The following GATA4 variants were observed in gnomAD, a reference collection of about 807,000 sequenced individuals.
The protein encoded by GATA4 is transcription factor GATA-4.
A neutral mutation model predicts 37.9 loss-of-function variants in GATA4; 7 were observed. That is an observed-to-expected ratio of 0.18 (90% CI 0.11 to 0.35). GATA4 has a LOEUF of 0.35. Among genes scored for constraint, GATA4 ranks in the 10% least tolerant of loss-of-function variants. GATA4 has a pLI of 1.00. For missense variants in GATA4, 647 were observed against 653.0 expected, an observed-to-expected ratio of 0.99 and a Z score of 0.10; for synonymous variants, 372 against 292.6, an observed-to-expected ratio of 1.27 and a Z score of -2.77.
chr8:11,727,955 C>A (rs963531450), intron 2 of GATA4, among the ~76,000 whole-genome samples: 1 of 152,184 alleles, frequency 6.6e-6, no homozygotes, highest in African/African-American at 2.4e-5. Flanking sequence ...TAGTACTCGG[C>A]ATGTAGTAAG....
chr8:11,757,185 C>T (rs1273975980), intron 6 of GATA4, 102 bp downstream of exon 6: 7 of 1,508,250 alleles, frequency 4.6e-6, no homozygotes, highest in African/African-American at 1.4e-5. Context: ...CCAGGCCTCA[C>T]AGGTGCAAGC....
chr8:11,684,856 T>C (rs949095748), intron 1 of GATA4, among the ~76,000 whole-genome samples: 9 of 152,236 alleles, frequency 5.9e-5, no homozygotes, highest in African/African-American at 2.2e-4. Context: ...GACACACTGA[T>C]AAATATGTTT....
At chr8:11,727,459 G>C (rs531518442) in intron 2 of GATA4, among the ~76,000 whole-genome samples, 5 of 152,228 alleles carry the variant, frequency 3.3e-5, no homozygotes, top group Admixed American at 6.5e-5. Context: ...ATCTTTATGG[G>C]GACCGCCAAC....
At chr8:11,751,730 A>G (rs1414769073) in intron 4 of GATA4, among the ~76,000 whole-genome samples, 1 of 152,184 alleles carries the variant, frequency 6.6e-6, no homozygotes, top group Non-Finnish European at 1.5e-5. Flanking sequence ...TCTCACTAAA[A>G]ATCAGAGAAA....
At chr8:11,754,128 G>A (rs915432959) in intron 4 of GATA4, among the ~76,000 whole-genome samples, 2 of 152,230 alleles carry the variant, frequency 1.3e-5, no homozygotes, top group East Asian at 1.9e-4. Flanking sequence ...GTACAGAGCT[G>A]CAATAAGTAG....
chr8:11,740,739 G>GTT lies in GATA4; in HGVS notation c.617-8167_617-8166dup, dbSNP rs35512328. Among the ~76,000 whole-genome samples, 920 of 146,818 alleles carry GTT rather than the reference G, an allele frequency of 6.3e-3. 2 individuals carry two copies. The highest frequency in any genetic ancestry group is 1.0e-2 in the Non-Finnish European group (665 of 66,604). On this transcript the variant is annotated intron_variant, in intron 2 of 6. Transcript: ENST00000532059. The stretch of plus-strand genomic sequence containing the variant: ...GCCTTCTTTTCTTTGTTCCTTTTCC[G>GTT]TTTTTTTTTTTGGAGACACGGTCTC...
upstream of GATA4, among the ~76,000 whole-genome samples, chr8:11,701,181 A>G (rs564780789): frequency 2.7e-3 from 416 of 151,682 alleles, 1 homozygote; most frequent in Non-Finnish European, 4.4e-3. Flanking sequence ...CAGTACACCT[A>G]AGTAATTCTT....
intron 2 of GATA4, among the ~76,000 whole-genome samples, chr8:11,715,819 G>A (rs1800411697): frequency 6.6e-6 from 1 of 152,000 alleles, no homozygotes; most frequent in Admixed American, 6.6e-5. Flanking sequence ...TTGCATTGCT[G>A]TGTATCAGAT....
upstream of GATA4, among the ~76,000 whole-genome samples, chr8:11,703,304 C>T (rs117273263): frequency 7.8e-3 from 1,185 of 152,256 alleles, 8 homozygotes; most frequent in Non-Finnish European, 0.012. Context: ...CTCTATTAAC[C>T]TTTAGACCTG....
intron 2 of GATA4, among the ~76,000 whole-genome samples, chr8:11,733,857 C>T (rs1420864372): frequency 6.6e-6 from 1 of 152,146 alleles, no homozygotes; most frequent in African/African-American, 2.4e-5. Flanking sequence ...TTGCTTTGAT[C>T]AAGAATATGT....
chr8:11,757,030 A>T lies in GATA4; in HGVS notation c.1096A>T (p.Lys366Ter), dbSNP rs778151042. ...CAGCAGCGAGGAGATGCGTCCCATC[A>T]AGACGGAGCCTGGCCTGTCATCTCA... Reference protein sequence around the residue: ...TSSSEEMRPIKTEPGLSSHYG... With the variant: ...TSSSEEMRPI Residue 366 changes from lysine (K) to a stop codon, truncating the protein, a stop_gained, in exon 6 of 7, where the codon AAG becomes TAG. Coordinates refer to ENST00000532059, the MANE Select transcript of GATA4 (RefSeq NM_001308093.3). LOFTEE classifies it high-confidence loss of function. 6.2e-7 allele frequency: 1 copy of T among 1,614,100 alleles called. No individual in the cohort carries two copies. Among genetic ancestry groups the T allele is most frequent in the Non-Finnish European group, 8.5e-7 (1 of 1,180,050 alleles).
Position 11,708,731 on chromosome 8 carries a change from G to T in GATA4, c.419G>T (p.Gly140Val). The T allele has an allele frequency of 5.4e-6, 7 of 1,288,072 alleles. No individual in the cohort carries two copies. The highest frequency in any genetic ancestry group is 6.8e-6 in the Non-Finnish European group (7 of 1,025,202). 79.8% of individuals were successfully genotyped at this position (1,288,072 alleles called of 1,614,324 possible). Residue 140 changes from glycine to valine, a missense_variant, in exon 2 of 7, where the codon GGT becomes GTT. Transcript: ENST00000532059. This position sits in a 1 kb window ranked among gnomAD's most constrained non-coding sequence, Gnocchi z 6.7. The part of the protein sequence containing the change: ...AAYSSGGGAA[G>V]AGLAGREQYG... ...TACAGCAGTGGCGGCGGAGCGGCGG[G>T]TGCGGGCCTGGCGGGCCGCGAGCAG...
intron 5 of GATA4, chr8:11,756,675 C>A: frequency 3.6e-6 from 2 of 556,036 alleles, no homozygotes; most frequent in South Asian, 4.1e-5. Flanking sequence ...TGTGAATCTT[C>A]AAGTTGAATG....
At chr8:11,703,089 G>T (rs1408248390), upstream of GATA4, among the ~76,000 whole-genome samples, 1 of 152,102 alleles carries the variant, frequency 6.6e-6, no homozygotes, top group Non-Finnish European at 1.5e-5. Context: ...GGAGCAGCAC[G>T]GGTTTCGTGC....
rs368091578 is a variant in GATA4, at chr8:11,749,071, C to T, written c.772C>T (p.Pro258Ser). 1.1e-5 allele frequency: 18 copies of T among 1,614,092 alleles called. No homozygotes were observed. The highest frequency in any genetic ancestry group is 6.7e-5 in the African/African-American group (5 of 74,926). Residue 258 changes from proline (P) to serine (S), a missense_variant, in exon 3 of 7, where the codon CCT (proline) becomes TCT (serine). By Grantham distance (74) the Pro-to-Ser change is moderately conservative. Transcript: ENST00000532059. This position sits in a 1 kb window ranked among gnomAD's most constrained non-coding sequence, Gnocchi z 4.6. ...MNGINRPLIK[P>S]QRRLSASRRV... ...CGGCATCAACCGGCCGCTCATCAAG[C>T]CTCAGCGCCGGCTGGTAAGCACGTG...
chr8:11,738,323 G>C (rs530369769), intron 2 of GATA4, among the ~76,000 whole-genome samples: 1 of 151,974 alleles, frequency 6.6e-6, no homozygotes, highest in African/African-American at 2.4e-5. Context: ...CAACCAGCAT[G>C]ATCAGTTTCT....
intron 4 of GATA4, among the ~76,000 whole-genome samples, chr8:11,750,693 G>T (rs1237111663): frequency 4.6e-5 from 7 of 151,066 alleles, no homozygotes; most frequent in African/African-American, 1.7e-4. Flanking sequence ...AGCACTTTGG[G>T]AGGCTGAGGC....
At chr8:11,753,696 C>CG (rs1802416325) in intron 4 of GATA4, among the ~76,000 whole-genome samples, 2 of 152,030 alleles carry the variant, frequency 1.3e-5, no homozygotes, top group African/African-American at 4.8e-5. Flanking sequence ...GTGCAAGTGC[C>CG]ACCCCATCTA....
At chr8:11,711,966 C>G (rs1445431259) in intron 2 of GATA4, among the ~76,000 whole-genome samples, 1 of 152,008 alleles carries the variant, frequency 6.6e-6, no homozygotes, top group Non-Finnish European at 1.5e-5. Context: ...GTGGGAGGAG[C>G]ACAGGGTTTT....
Sources: allele counts gnomAD v4.1 joint callset (sites outside exome capture counted in the v4.1 genomes callset), GRCh38; gene constraint gnomAD v4.1.1; non-coding constraint Gnocchi (gnomAD v3.1); transcripts MANE v1.5; gene names NCBI Gene and HGNC (gene_info 2026-07-23, HGNC 2026-07-21).